The following PPHLN1 variants were observed in gnomAD, a reference collection of about 807,000 sequenced individuals.
The protein encoded by PPHLN1 is periphilin 1, also known as periphilin-1.
Under a neutral mutation model 51.3 loss-of-function variants are expected in PPHLN1, and 29 were observed. That is an observed-to-expected ratio of 0.57 (90% confidence interval 0.42 to 0.77). PPHLN1 has a LOEUF of 0.77. Among genes scored for constraint, PPHLN1 ranks in the 30% least tolerant of loss-of-function variants. PPHLN1 has a pLI of 0.00. For synonymous variants in PPHLN1, 147 were observed against 147.8 expected (o/e 0.99, Z 0.04); for missense variants, 436 against 438.4 (o/e 0.99, Z 0.05).
intron 5 of PPHLN1, among the ~76,000 whole-genome samples, chr12:42,379,231 C>G (rs186050223): frequency 6.6e-6 from 1 of 151,998 alleles, no homozygotes; most frequent in Non-Finnish European, 1.5e-5. Flanking sequence ...GTCTCCCACA[C>G]CCATTTTTTG....
chr12:42,333,709 C>G (rs1335039338), intron 1 of PPHLN1, among the ~76,000 whole-genome samples: 1 of 152,118 alleles, frequency 6.6e-6, no homozygotes, highest in Admixed American at 6.5e-5. Context: ...GTCTCGATCT[C>G]CTGACCTCGT....
rs1361757330 is a variant in PPHLN1 at position 42,387,487 on chromosome 12, A to T, written c.600A>T (p.Thr200=). 6.2e-7 allele frequency: 1 copy of T among 1,613,584 alleles called. No individual in the cohort carries two copies. The highest frequency in any genetic ancestry group is 1.1e-5 in the South Asian group (1 of 90,894). The change falls in exon 7 of 10, where the codon ACA becomes ACT. Residue 200 remains threonine (T), a synonymous_variant. Coordinates refer to ENST00000358314, the MANE Select transcript of PPHLN1 (RefSeq NM_201439.2). The stretch of plus-strand genomic sequence containing the variant: ...AGAGGCCTGTCCAGTCTTTGAAAAC[A>T]TCAAGAGATACTTCACCCTCAAGTG... ...DKERPVQSLK[T]SRDTSPSSGS... is the part of the protein sequence containing the mutation.
At chr12:42,331,649 C>T (rs2137690429) in intron 1 of PPHLN1, 1 of 152,304 alleles carries the variant, frequency 6.6e-6, no homozygotes, top group Non-Finnish European at 1.5e-5. Flanking sequence ...TAATCCATAA[C>T]CAGTTATTAG....
Position 42,441,552 on chromosome 12 carries a change from A to G in PPHLN1, c.*43A>G. The G allele has an allele frequency of 6.7e-7, 1 of 1,483,916 alleles. No homozygotes were observed. Among genetic ancestry groups the G allele is most frequent in the African/African-American group, 1.4e-5 (1 of 70,510 alleles). 91.9% of individuals were successfully genotyped at this position (1,483,916 alleles called of 1,614,324 possible). ...AAAAAAAAAAAAAAACAGTTTCTAA[A>G]AATTTTTTTTCCTGGATTGTGTAAA... On this transcript the variant is annotated 3_prime_UTR_variant, in exon 10 of 10. Coordinates refer to ENST00000358314, the MANE Select transcript of PPHLN1 (RefSeq NM_201439.2).
intron 9 of PPHLN1, chr12:42,399,235 T>TGTAA: frequency 9.1e-7 from 1 of 1,099,140 alleles, no homozygotes. Flanking sequence ...ATTAATATTC[T>TGTAA]AGTTAGTATG....
intron 2 of PPHLN1, among the ~76,000 whole-genome samples, chr12:42,346,737 A>T (rs1487131053): frequency 6.6e-6 from 1 of 152,108 alleles, no homozygotes; most frequent in Non-Finnish European, 1.5e-5. Context: ...TCTTTCTCTC[A>T]TACCCTCACC....
chr12:42,431,611 C>T, intron 9 of PPHLN1: 2 of 716,952 alleles, frequency 2.8e-6, no homozygotes, highest in Non-Finnish European at 4.9e-6. Context: ...CAAGCTTGTA[C>T]AAGCACTGTT....
intron 9 of PPHLN1, among the ~76,000 whole-genome samples, chr12:42,414,394 C>T (rs539611935): frequency 1.3e-5 from 2 of 152,258 alleles, no homozygotes; most frequent in East Asian, 3.9e-4. Context: ...CAGTATGGTC[C>T]TTTTCATTAT....
intron 2 of PPHLN1, among the ~76,000 whole-genome samples, chr12:42,349,752 G>A: frequency 6.6e-6 from 1 of 152,046 alleles, no homozygotes; most frequent in East Asian, 1.9e-4. Flanking sequence ...AGCATCCCAA[G>A]GCAGAAGAAT....
At chr12:42,420,884 G>A (rs557804274) in intron 9 of PPHLN1, among the ~76,000 whole-genome samples, 1 of 151,986 alleles carries the variant, frequency 6.6e-6, no homozygotes, top group Non-Finnish European at 1.5e-5. Context: ...ATTTTGAAAT[G>A]ACATTATAAT....
intron 2 of PPHLN1, among the ~76,000 whole-genome samples, chr12:42,344,893 A>G (rs2072058086): frequency 6.6e-6 from 1 of 151,994 alleles, no homozygotes; most frequent in Non-Finnish European, 1.5e-5. Context: ...TATTTTTAGT[A>G]GAGATGGGGT....
At chr12:42,327,247 C>T (rs1302844336) in intron 1 of PPHLN1, among the ~76,000 whole-genome samples, 2 of 152,224 alleles carry the variant, frequency 1.3e-5, no homozygotes, top group Non-Finnish European at 2.9e-5. Context: ...CCCATCTGTG[C>T]TTTCTGAAAC....
In PPHLN1 at chr12:42,357,033, C is replaced by T. The variant is rs12578542; in HGVS notation, c.299+1811C>T. ...AAAATTTGTTTTCAAAATACTATAG[C>T]ATGAAAACTGTAATGAGTGATAGGA... On this transcript the variant is annotated intron_variant, in intron 4 of 9. Transcript: ENST00000358314. Among the ~76,000 whole-genome samples, 1,096 of 152,244 alleles carry T rather than the reference C, an allele frequency of 7.2e-3. 43 individuals carry two copies. In the East Asian group the frequency reaches 0.091, roughly 13 times the overall value.
chr12:42,442,510 A>G (rs370176182), downstream of PPHLN1: 100 of 1,304,798 alleles, frequency 7.7e-5, 1 homozygote, highest in East Asian at 1.3e-3. Context: ...TCTGTACCGA[A>G]TAAATACAAG....
intron 4 of PPHLN1, among the ~76,000 whole-genome samples, chr12:42,373,805 G>A (rs2076004639): frequency 6.6e-6 from 1 of 152,186 alleles, no homozygotes. Flanking sequence ...TATAAAAGTA[G>A]AGGTGATTTA....
At chr12:42,328,702 C>T (rs2069179433) in intron 1 of PPHLN1, among the ~76,000 whole-genome samples, 1 of 152,070 alleles carries the variant, frequency 6.6e-6, no homozygotes, top group African/African-American at 2.4e-5. Flanking sequence ...GTAGAGAATG[C>T]AGTACTTTTT....
chr12:42,328,394 A>C (rs1414485043), intron 1 of PPHLN1, among the ~76,000 whole-genome samples: 1 of 152,258 alleles, frequency 6.6e-6, no homozygotes, highest in Non-Finnish European at 1.5e-5. Flanking sequence ...GAAACTTCAC[A>C]TTATGAATAT....
intron 5 of PPHLN1, among the ~76,000 whole-genome samples, chr12:42,380,876 T>A (rs1432497197): frequency 2.0e-5 from 3 of 152,210 alleles, no homozygotes; most frequent in African/African-American, 7.2e-5. Context: ...TGTTCAATAC[T>A]TACATCTCTT....
chr12:42,329,353 C>T (rs1041875814), intron 1 of PPHLN1, among the ~76,000 whole-genome samples: 10 of 151,854 alleles, frequency 6.6e-5, no homozygotes, highest in African/African-American at 2.4e-4. Context: ...GATCCGCCCC[C>T]CTCGGCCTCC....
Sources: gnomAD v4.1 joint callset for allele counts (sites outside exome capture counted in the v4.1 genomes callset) on GRCh38, gnomAD v4.1.1 for gene constraint, MANE v1.5 for transcripts, NCBI Gene and HGNC (gene_info 2026-07-23, HGNC 2026-07-21) for gene names.